VPS50: variants seen among roughly 807,000 people sequenced by gnomAD.
VPS50 encodes VPS50 subunit of EARP/GARPII complex, also known as syndetin.
In VPS50, 70 loss-of-function variants were observed where a neutral mutation model predicts 139.7. The ratio of observed to expected loss-of-function variants is 0.50; its 90% CI spans 0.41 to 0.61. The LOEUF (loss-of-function observed/expected upper bound fraction) is 0.61. Ranked by LOEUF, VPS50 falls within the 20% of genes least tolerant of loss-of-function variation. The pLI, the probability that VPS50 is intolerant of heterozygous loss-of-function variation, is 0.00. For synonymous variants in VPS50, 365 were observed against 376.7 expected (o/e 0.97, Z 0.36); for missense variants, 921 against 1,133.7 (o/e 0.81, Z 2.69).
chr7:93,309,713 A>T (rs1797210871), intron 19 of VPS50, among the ~76,000 whole-genome samples: 2 of 151,972 alleles, frequency 1.3e-5, no homozygotes, highest in African/African-American at 4.8e-5. Context: ...TGACCTCTTC[A>T]AAACTATGAT....
chr7:93,312,727 G>A (rs916169535), intron 20 of VPS50, among the ~76,000 whole-genome samples: 4 of 150,100 alleles, frequency 2.7e-5, no homozygotes, highest in African/African-American at 9.8e-5. Context: ...ATTCTTCCAT[G>A]TGATCACTTT....
In VPS50 at chr7:93,311,145, G is replaced by C. The variant is rs142128044; in HGVS notation, c.1749-21G>C. 14 of 932,066 alleles carry C rather than the reference G, an allele frequency of 1.5e-5. No individual in the cohort carries two copies. The African/African-American group carries it at 2.1e-4, about 14-fold the overall frequency. The allele number at this position is 932,066 out of a possible 1,614,324, so 57.7% of individuals were successfully genotyped here. A position where few individuals can be genotyped will look rare whatever the true frequency, so the allele number is the denominator to read the frequency against. On this transcript the variant is annotated intron_variant, in intron 19 of 27. Transcript: ENST00000305866. Reference sequence around the variant, plus strand: ...ATTACTTGACAACTCTAGCAACTCTGTTTTGTTTTTCCATATCAAGTGTTT... The same window carrying C: ...ATTACTTGACAACTCTAGCAACTCTCTTTTGTTTTTCCATATCAAGTGTTT...
chr7:93,358,387 G>A lies in VPS50; in HGVS notation c.2846G>A (p.Arg949Lys). 6.2e-7 allele frequency: 1 copy of A among 1,612,064 alleles called. No individual in the cohort carries two copies. Among genetic ancestry groups the A allele is most frequent in the Non-Finnish European group, 8.5e-7 (1 of 1,178,380 alleles). Residue 949 changes from arginine to lysine, a missense_variant, in exon 28 of 28, where the codon AGA becomes AAA. Transcript: ENST00000305866. ...GGATCCCATATCAATAAGAAAGCAA[G>A]ACAAAAACTTCTAGCAGCTATAGAT... is the stretch of plus-strand genomic sequence containing the variant. ...CLGSHINKKA[R>K]QKLLAAIDDI... is the part of the protein sequence containing the mutation.
intron 23 of VPS50, among the ~76,000 whole-genome samples, chr7:93,344,949 G>A (rs1339879047): frequency 1.3e-5 from 2 of 152,084 alleles, no homozygotes; most frequent in Non-Finnish European, 2.9e-5. Flanking sequence ...ACATTCAAAA[G>A]CTAGCAGAAG....
intron 10 of VPS50, 137 bp downstream of exon 10, chr7:93,271,399 G>A (rs1796006062): frequency 7.7e-7 from 1 of 1,297,278 alleles, no homozygotes; most frequent in East Asian, 2.9e-5. Context: ...TTTTCATTTG[G>A]AATATCTATT....
At chr7:93,349,722 A>G (rs1013949528) in intron 24 of VPS50, among the ~76,000 whole-genome samples, 153 bp from the exon 25 acceptor site, 2 of 152,226 alleles carry the variant, frequency 1.3e-5, no homozygotes, top group African/African-American at 4.8e-5. Context: ...CCTTCACTCA[A>G]ATATTCAAAT....
intron 11 of VPS50, among the ~76,000 whole-genome samples, chr7:93,274,080 T>A (rs1796084841): frequency 6.6e-6 from 1 of 152,096 alleles, no homozygotes; most frequent in African/African-American, 2.4e-5. Context: ...TCTCTCCCTC[T>A]TTTTGGACCT....
At chr7:93,345,124 C>G (rs1377597035) in intron 23 of VPS50, among the ~76,000 whole-genome samples, 1 of 152,164 alleles carries the variant, frequency 6.6e-6, no homozygotes, top group South Asian at 2.1e-4. Flanking sequence ...CAAATAGATG[C>G]AATAATAAAT....
intron 2 of VPS50, among the ~76,000 whole-genome samples, chr7:93,240,245 A>ACACACT (rs879663150): frequency 6.9e-6 from 1 of 145,452 alleles, no homozygotes; most frequent in Non-Finnish European, 1.5e-5. Flanking sequence ...ACACACACAC[A>ACACACT]CACACTCTCT....
intron 1 of VPS50, among the ~76,000 whole-genome samples, chr7:93,239,576 C>G (rs967481430): frequency 1.3e-5 from 2 of 152,038 alleles, no homozygotes; most frequent in African/African-American, 4.8e-5. Flanking sequence ...ATGTAAGTTT[C>G]TTTACTTTTG....
At chr7:93,302,826 CAT>C (rs1175154558) in intron 16 of VPS50, among the ~76,000 whole-genome samples, 3 of 151,948 alleles carry the variant, frequency 2.0e-5, no homozygotes, top group Non-Finnish European at 4.4e-5. Context: ...CTGCCTATAT[CAT>C]GTGCTGATTA....
At chr7:93,278,407 G>A (rs1237512934) in intron 12 of VPS50, among the ~76,000 whole-genome samples, 1 of 151,250 alleles carries the variant, frequency 6.6e-6, no homozygotes, top group African/African-American at 2.4e-5. Flanking sequence ...TGGACAACAT[G>A]CAAAACCCTG....
intron 20 of VPS50, among the ~76,000 whole-genome samples, chr7:93,314,556 T>C (rs1422761732): frequency 6.6e-6 from 1 of 152,170 alleles, no homozygotes; most frequent in East Asian, 1.9e-4. Context: ...CGGTTCTCTC[T>C]CCTGGAAGCA....
intron 2 of VPS50, among the ~76,000 whole-genome samples, chr7:93,240,241 A>ACACACACACT (rs1344558236): frequency 1.4e-5 from 2 of 145,944 alleles, no homozygotes; most frequent in Non-Finnish European, 3.0e-5. Flanking sequence ...ACACACACAC[A>ACACACACACT]CACACACACT....
intron 23 of VPS50, among the ~76,000 whole-genome samples, chr7:93,347,004 A>G (rs1798415628): frequency 7.0e-6 from 1 of 142,778 alleles, no homozygotes; most frequent in African/African-American, 2.6e-5. Context: ...GAGCTTCTGC[A>G]CAGCAAAAGA....
At chr7:93,260,760 A>G (rs1795644063) in intron 9 of VPS50, among the ~76,000 whole-genome samples, 1 of 151,752 alleles carries the variant, frequency 6.6e-6, no homozygotes, top group South Asian at 2.1e-4. Context: ...CAGTGGCGTG[A>G]TCTTGGCTCA....
intron 27 of VPS50, among the ~76,000 whole-genome samples, chr7:93,356,341 A>ACATTAGCTATAT (rs1196661611): frequency 6.6e-6 from 1 of 152,178 alleles, no homozygotes; most frequent in Admixed American, 6.6e-5. Context: ...CAAAGCCAAG[A>ACATTAGCTATAT]CATTAGCTAT....
At chr7:93,355,111 C>A (rs1798665951) in intron 26 of VPS50, among the ~76,000 whole-genome samples, 1 of 127,828 alleles carries the variant, frequency 7.8e-6, no homozygotes. Flanking sequence ...GTATAAAATA[C>A]TCTTTTTTAA....
chr7:93,298,128 G>A (rs1796865461), intron 16 of VPS50, among the ~76,000 whole-genome samples: 1 of 151,934 alleles, frequency 6.6e-6, no homozygotes, highest in Non-Finnish European at 1.5e-5. Context: ...ATATATATTT[G>A]AATACAAGTT....
Sources: gnomAD v4.1 joint callset for allele counts (sites outside exome capture counted in the v4.1 genomes callset) on GRCh38, gnomAD v4.1.1 for gene constraint, MANE v1.5 for transcripts, NCBI Gene and HGNC (gene_info 2026-07-23, HGNC 2026-07-21) for gene names.